Variants in TMEM192 observed in about 807,000 individuals in gnomAD.
The protein encoded by TMEM192 is transmembrane protein 192.
Under a neutral mutation model 26.7 loss-of-function variants are expected in TMEM192, and 20 were observed. The ratio of observed to expected loss-of-function variants is 0.75; its 90% confidence interval spans 0.53 to 1.09. The LOEUF (loss-of-function observed/expected upper bound fraction) is 1.09, where lower values mean the gene tolerates loss of function less well. Among genes scored for constraint, TMEM192 ranks in the 50% least tolerant of loss-of-function variants. The probability of loss-of-function intolerance (pLI) is 0.00; values close to 1 mark genes in which losing one functional copy is unlikely to be tolerated. For synonymous variants in TMEM192, 124 were observed against 121.0 expected (o/e 1.02, Z -0.16); for missense variants, 304 against 322.6 (o/e 0.94, Z 0.44).
intron 4 of TMEM192, among the ~76,000 whole-genome samples, chr4:165,086,516 C>T (rs1471091264): frequency 6.6e-6 from 1 of 150,714 alleles, no homozygotes; most frequent in Non-Finnish European, 1.5e-5. Context: ...GTCTCTGCCT[C>T]CTAGGTTCAA....
At chr4:165,092,471 A>G (rs1238424594) in intron 3 of TMEM192, among the ~76,000 whole-genome samples, 1 of 152,146 alleles carries the variant, frequency 6.6e-6, no homozygotes, top group Non-Finnish European at 1.5e-5. Context: ...TACTTAGAAC[A>G]GTGCCTGGCC....
At position 165,097,513 on chromosome 4, in the gene TMEM192, A is replaced by T. The variant is rs895735390; in HGVS notation, c.439+3115T>A. Among the ~76,000 whole-genome samples, 19 of 143,972 alleles carry T rather than the reference A, an allele frequency of 1.3e-4. No individual in the cohort carries two copies. The East Asian group carries it at 3.9e-3, about 29-fold the overall frequency. 94.5% of individuals were successfully genotyped at this position (143,972 alleles called of 152,430 possible). On this transcript the variant is annotated intron_variant, in intron 3 of 5. Transcript: ENST00000306480. ...CATCTCAAAAAAAAAAAAAAAAAGA[A>T]AAAAGAAAATGCACTAACAGAACAG...
rs1734301924 is a variant in TMEM192 at position 165,072,913 on chromosome 4, C to T, written c.*6745G>A. 1 of 151,946 alleles carries T rather than the reference C, an allele frequency of 6.6e-6. No individual in the cohort carries two copies. The highest frequency in any genetic ancestry group is 1.9e-4 in the East Asian group (1 of 5,138). The allele number at this position is 151,946 out of a possible 1,614,324, so 9.4% of individuals were successfully genotyped here. ...GATTCACATTTGGAAATTATCAGCTCATAAATTCTATCAAAGTCATGAGAT... is the reference window on the plus strand; with the variant it reads ...GATTCACATTTGGAAATTATCAGCTTATAAATTCTATCAAAGTCATGAGAT... On this transcript the variant is annotated 3_prime_UTR_variant, in exon 6 of 6. Coordinates refer to ENST00000306480, the MANE Select transcript of TMEM192 (RefSeq NM_001100389.2).
At position 165,088,519 on chromosome 4, in the gene TMEM192, TG is replaced by T; in HGVS notation, c.522del (p.Ile175SerfsTer10). The stretch of plus-strand genomic sequence containing the variant: ...GAACAGATGAGTTCCAGTGCCAAGA[TG>T]GCCAGAATGAGGTCAAGATACAATC... ...PGRLYLDLIL[A>X]ILALELICSL... On this transcript the variant is annotated frameshift_variant, in exon 4 of 6. Coordinates refer to ENST00000306480, the MANE Select transcript of TMEM192 (RefSeq NM_001100389.2). LOFTEE classifies it high-confidence loss of function. The T allele has an allele frequency of 6.2e-7, 1 of 1,613,712 alleles. No homozygotes were observed. Among genetic ancestry groups the T allele is most frequent in the Non-Finnish European group, 8.5e-7 (1 of 1,179,868 alleles).
At chr4:165,102,541 G>A (rs62352226) in intron 2 of TMEM192, among the ~76,000 whole-genome samples, 31 of 151,914 alleles carry the variant, frequency 2.0e-4, no homozygotes, top group Non-Finnish European at 2.1e-4. Flanking sequence ...TTTTTCACTC[G>A]ACAATGTAAT....
At chr4:165,086,122 G>T (rs1378493789) in intron 4 of TMEM192, among the ~76,000 whole-genome samples, 2 of 152,174 alleles carry the variant, frequency 1.3e-5, no homozygotes, top group Non-Finnish European at 2.9e-5. Flanking sequence ...AGAAGCTTGT[G>T]CAAGAGGCTT....
chr4:165,111,000 T>A (rs939606821), intron 1 of TMEM192, among the ~76,000 whole-genome samples: 3 of 152,256 alleles, frequency 2.0e-5, no homozygotes, highest in Non-Finnish European at 4.4e-5. Flanking sequence ...CTAGGAATCA[T>A]GTTTACAAAA....
At chr4:165,093,386 C>T (rs547717325) in intron 3 of TMEM192, among the ~76,000 whole-genome samples, 9 of 151,888 alleles carry the variant, frequency 5.9e-5, no homozygotes, top group East Asian at 1.9e-4. Context: ...TGAGCCACCG[C>T]GCCTGGCCAA....
intron 3 of TMEM192, among the ~76,000 whole-genome samples, chr4:165,091,859 A>T (rs1199965428): frequency 6.6e-6 from 1 of 152,208 alleles, no homozygotes; most frequent in African/African-American, 2.4e-5. Context: ...CATTTAAGAC[A>T]CAAAAAAGAA....
chr4:165,071,079 C>T lies in TMEM192; in HGVS notation c.*8579G>A, dbSNP rs1734265485. On this transcript the variant is annotated 3_prime_UTR_variant, in exon 6 of 6. Transcript: ENST00000306480. ...GCAAGACCTCAGGTGATGCCTGGAG[C>T]CACAGATAGTACTAAACCCTACGAA... 1 of 152,076 alleles carries T rather than the reference C, an allele frequency of 6.6e-6. No homozygotes were observed. The highest frequency in any genetic ancestry group is 1.5e-5 in the Non-Finnish European group (1 of 68,036). The allele number at this position is 152,076 out of a possible 1,614,324, so 9.4% of individuals were successfully genotyped here. A position where few individuals can be genotyped will look rare whatever the true frequency, so the allele number is the denominator to read the frequency against.
chr4:165,097,590 A>AG (rs1734943145), intron 3 of TMEM192, among the ~76,000 whole-genome samples: 1 of 135,334 alleles, frequency 7.4e-6, no homozygotes, highest in Non-Finnish European at 1.6e-5. Flanking sequence ...TTTTTTGGAG[A>AG]AAAAAATCTC....
intron 5 of TMEM192, among the ~76,000 whole-genome samples, 188 bp from the exon 6 acceptor site, chr4:165,079,984 T>C (rs1402168254): frequency 3.3e-5 from 5 of 152,182 alleles, no homozygotes; most frequent in African/African-American, 1.2e-4. Context: ...CTTCTACTCT[T>C]GAAATAAATT....
rs147059383 is a variant in TMEM192, at chr4:165,093,410, C to T, written c.440-4808G>A. Among the ~76,000 whole-genome samples the T allele has an allele frequency of 5.6e-3, 857 of 151,894 alleles. 10 individuals carry two copies. Among genetic ancestry groups the T allele is most frequent in the Middle Eastern group, 0.024 (7 of 292 alleles). ...GCGCCTGGCCAATACAGTTTTACAA[C>T]ATTTAGGAAAGAAATACATGCTAGG... On this transcript the variant is annotated intron_variant, in intron 3 of 5. Transcript: ENST00000306480.
rs924279539 is a variant in TMEM192, at chr4:165,112,854, A to T, written c.-81T>A. On this transcript the variant is annotated 5_prime_UTR_variant, in exon 1 of 6. Transcript: ENST00000306480. ...TAAGCCTCTGGCCGCGAAACTCGCC[A>T]CCTTCTGGGACCTGCCAGGCCCCTC... The T allele has an allele frequency of 1.2e-5, 19 of 1,530,776 alleles. No homozygotes were observed. The African/African-American group carries it at 2.7e-4, about 21-fold the overall frequency. The allele number at this position is 1,530,776 out of a possible 1,614,324, so 94.8% of individuals were successfully genotyped here.
chr4:165,107,908 A>G (rs531607809), intron 1 of TMEM192, among the ~76,000 whole-genome samples: 52 of 152,202 alleles, frequency 3.4e-4, no homozygotes, highest in African/African-American at 1.2e-3. Context: ...CCATGTCTCT[A>G]TGTAACTTCT....
At chr4:165,100,934 T>C (rs759082524) in intron 2 of TMEM192, 42 bp from the exon 3 acceptor site, 1 of 1,527,950 alleles carries the variant, frequency 6.5e-7, no homozygotes, top group South Asian at 1.3e-5. Context: ...TCAATATTTG[T>C]AATTAGGAAG....
At chr4:165,107,872 T>A (rs1294907583) in intron 1 of TMEM192, among the ~76,000 whole-genome samples, 1 of 152,224 alleles carries the variant, frequency 6.6e-6, no homozygotes, top group Non-Finnish European at 1.5e-5. Flanking sequence ...TCTGTACAAG[T>A]TTGAGCTGGG....
chr4:165,099,844 G>C (rs1269850918), intron 3 of TMEM192, among the ~76,000 whole-genome samples: 2 of 152,292 alleles, frequency 1.3e-5, no homozygotes, highest in East Asian at 3.9e-4. Context: ...AGCTACTCAG[G>C]AGGCTGAGGT....
chr4:165,095,570 G>C (rs1041882593), intron 3 of TMEM192, among the ~76,000 whole-genome samples: 52 of 152,264 alleles, frequency 3.4e-4, no homozygotes, highest in Middle Eastern at 6.8e-3. Flanking sequence ...ATTCCTTCCA[G>C]AATTTACCTT....
Sources: allele counts gnomAD v4.1 joint callset (sites outside exome capture counted in the v4.1 genomes callset), GRCh38; gene constraint gnomAD v4.1.1; transcripts MANE v1.5; gene names NCBI Gene and HGNC (gene_info 2026-07-23, HGNC 2026-07-21).